The following ABTB3 variants were observed in gnomAD, a reference collection of about 807,000 sequenced individuals.
The protein encoded by ABTB3 is ankyrin repeat and BTB domain containing 3, also known as ankyrin repeat- and BTB/POZ domain-containing protein 3.
the ABTB3 span, among the ~76,000 whole-genome samples, chr12:107,621,023 G>A: frequency 6.6e-6 from 1 of 152,126 alleles, no homozygotes; most frequent in East Asian, 1.9e-4. Flanking sequence ...CCCCCTGCCG[G>A]GCTGGGCTGT....
the ABTB3 span, among the ~76,000 whole-genome samples, chr12:107,444,695 T>C: frequency 2.6e-5 from 4 of 152,294 alleles, no homozygotes; most frequent in African/African-American, 4.8e-5. Flanking sequence ...TCCATACTTA[T>C]TGATGTGCCC....
At chr12:107,463,386 T>C in the ABTB3 span, among the ~76,000 whole-genome samples, 3 of 152,118 alleles carry the variant, frequency 2.0e-5, no homozygotes, top group Non-Finnish European at 4.4e-5. Context: ...TTGATGATGA[T>C]GACAGTAGTG....
chr12:107,581,939 C>T, the ABTB3 span, among the ~76,000 whole-genome samples: 8 of 152,184 alleles, frequency 5.3e-5, no homozygotes, highest in Admixed American at 5.2e-4. Flanking sequence ...TGCACGCACA[C>T]GAACACACCT....
chr12:107,577,185 T>C, the ABTB3 span, among the ~76,000 whole-genome samples: 62 of 152,322 alleles, frequency 4.1e-4, no homozygotes, highest in African/African-American at 1.4e-3. Context: ...ACTGACCTTA[T>C]GGCCCACAAA....
chr12:107,590,524 A>G, the ABTB3 span, among the ~76,000 whole-genome samples: 1 of 152,216 alleles, frequency 6.6e-6, no homozygotes, highest in Non-Finnish European at 1.5e-5. Flanking sequence ...ACACCAGCAG[A>G]GAAAGGAGGC....
chr12:107,390,890 C>T, the ABTB3 span, among the ~76,000 whole-genome samples: 1 of 152,206 alleles, frequency 6.6e-6, no homozygotes, highest in Non-Finnish European at 1.5e-5. Context: ...GTGGCTCATG[C>T]CTGTAATCTC....
the ABTB3 span, among the ~76,000 whole-genome samples, chr12:107,404,323 GA>G: frequency 6.6e-6 from 1 of 152,156 alleles, no homozygotes; most frequent in South Asian, 2.1e-4. Context: ...CCATCTGCTG[GA>G]AAGAACTTGC....
At chr12:107,440,543 G>A in the ABTB3 span, among the ~76,000 whole-genome samples, 3 of 152,144 alleles carry the variant, frequency 2.0e-5, no homozygotes, top group African/African-American at 7.2e-5. Context: ...TCATAGAAGT[G>A]AGCCCAGCCT....
At chr12:107,408,987 G>A in the ABTB3 span, among the ~76,000 whole-genome samples, 1 of 152,244 alleles carries the variant, frequency 6.6e-6, no homozygotes, top group Non-Finnish European at 1.5e-5. Flanking sequence ...AAGGGCATAT[G>A]ACTAGGGAAA....
At chr12:107,565,184 G>A in the ABTB3 span, among the ~76,000 whole-genome samples, 5 of 152,208 alleles carry the variant, frequency 3.3e-5, no homozygotes, top group East Asian at 1.9e-4. Flanking sequence ...CACTGAGCAC[G>A]TATGCAGGAG....
the ABTB3 span, among the ~76,000 whole-genome samples, chr12:107,399,788 T>C: frequency 0.019 from 2,910 of 151,726 alleles, 99 homozygotes; most frequent in African/African-American, 0.066. Flanking sequence ...TCATCTAGGT[T>C]TTAAGCCCCA....
chr12:107,501,507 T>TG, the ABTB3 span, among the ~76,000 whole-genome samples: 1 of 152,030 alleles, frequency 6.6e-6, no homozygotes, highest in Non-Finnish European at 1.5e-5. Flanking sequence ...GAGACCTGCC[T>TG]GGCCAACATA....
chr12:107,608,961 AATAAAAT>A, the ABTB3 span, among the ~76,000 whole-genome samples: 289 of 85,584 alleles, frequency 3.4e-3, 1 homozygote, highest in East Asian at 9.0e-3. Flanking sequence ...TAAAATATAA[AATAAAAT>A]ATAAAATAAA....
At chr12:107,480,141 A>G in the ABTB3 span, among the ~76,000 whole-genome samples, 1 of 152,202 alleles carries the variant, frequency 6.6e-6, no homozygotes, top group Admixed American at 6.5e-5. Flanking sequence ...TTCCAGGTAG[A>G]AGGAATGGCA....
At chr12:107,366,587 A>G in the ABTB3 span, among the ~76,000 whole-genome samples, 1 of 152,112 alleles carries the variant, frequency 6.6e-6, no homozygotes, top group Non-Finnish European at 1.5e-5. Flanking sequence ...TCTCTCTTCA[A>G]CCCTTAACTA....
chr12:107,620,641 CAG>C, the ABTB3 span, among the ~76,000 whole-genome samples: 13 of 152,172 alleles, frequency 8.5e-5, no homozygotes, highest in South Asian at 1.5e-3. Flanking sequence ...TCTGGATAAA[CAG>C]AACACAGACC....
chr12:107,607,113 G>A, the ABTB3 span, among the ~76,000 whole-genome samples: 2 of 152,148 alleles, frequency 1.3e-5, no homozygotes, highest in Non-Finnish European at 2.9e-5. Context: ...TTCTTTCAGG[G>A]CCCCTAGTCT....
the ABTB3 span, among the ~76,000 whole-genome samples, chr12:107,633,231 AC>A: frequency 6.6e-6 from 1 of 152,070 alleles, no homozygotes; most frequent in Non-Finnish European, 1.5e-5. Flanking sequence ...GAGCCTCAGC[AC>A]CCCTTCTACC....
the ABTB3 span, among the ~76,000 whole-genome samples, chr12:107,570,539 G>T: frequency 2.0e-5 from 3 of 152,044 alleles, no homozygotes; most frequent in African/African-American, 7.2e-5. Flanking sequence ...TCTATACAAA[G>T]GGTTATGGCT....
Sources: allele counts gnomAD v4.1 joint callset (sites outside exome capture counted in the v4.1 genomes callset), GRCh38; gene constraint gnomAD v4.1.1; transcripts MANE v1.5; gene names NCBI Gene and HGNC (gene_info 2026-07-23, HGNC 2026-07-21).